Variants in KIAA1217 observed in about 807,000 individuals in gnomAD.
The protein encoded by KIAA1217 is sickle tail protein homolog.
In KIAA1217, 88 loss-of-function variants were observed where a neutral mutation model predicts 163.9. That is an observed-to-expected ratio of 0.54 (90% CI 0.45 to 0.64). The LOEUF (loss-of-function observed/expected upper bound fraction) is 0.64. Among genes scored for constraint, KIAA1217 ranks in the 30% least tolerant of loss-of-function variants. KIAA1217 has a pLI of 0.00. For synonymous variants in KIAA1217, 903 were observed against 923.1 expected, an observed-to-expected ratio of 0.98 and a Z score of 0.39; for missense variants, 2,372 against 2,475.0, an observed-to-expected ratio of 0.96 and a Z score of 0.88.
chr10:24,247,198 T>G (rs1214811896), intron 2 of KIAA1217, among the ~76,000 whole-genome samples: 1 of 151,724 alleles, frequency 6.6e-6, no homozygotes, highest in Non-Finnish European at 1.5e-5. Context: ...CAGGGGTATG[T>G]GTGCAGATTT....
At chr10:24,010,545 C>A (rs1488596440) in intron 2 of KIAA1217, among the ~76,000 whole-genome samples, 2 of 151,834 alleles carry the variant, frequency 1.3e-5, no homozygotes, top group Non-Finnish European at 2.9e-5. Flanking sequence ...TCTTCCCCCC[C>A]TTCAAGTTTT....
intron 1 of KIAA1217, among the ~76,000 whole-genome samples, chr10:23,812,888 G>A (rs1318575625): frequency 7.9e-5 from 12 of 152,134 alleles, no homozygotes; most frequent in Non-Finnish European, 1.8e-4. Context: ...GCTATTATGA[G>A]TAATGCTGTT....
intron 1 of KIAA1217, among the ~76,000 whole-genome samples, chr10:23,782,278 T>G (rs1227708867): frequency 1.3e-5 from 2 of 152,188 alleles, no homozygotes; most frequent in Non-Finnish European, 2.9e-5. Flanking sequence ...ATCTTTTATC[T>G]CCTCAGTTAA....
At chr10:23,961,842 T>G (rs1844831828) in intron 1 of KIAA1217, among the ~76,000 whole-genome samples, 1 of 152,162 alleles carries the variant, frequency 6.6e-6, no homozygotes, top group African/African-American at 2.4e-5. Flanking sequence ...ATTCCAGACC[T>G]CTCTCCTTGG....
At chr10:24,420,825 T>G (rs1440192364) in intron 3 of KIAA1217, among the ~76,000 whole-genome samples, 1 of 152,222 alleles carries the variant, frequency 6.6e-6, no homozygotes, top group African/African-American at 2.4e-5. Flanking sequence ...TATCAAGCTC[T>G]CACAAAGTCT....
chr10:24,092,931 TG>T (rs34006442), intron 2 of KIAA1217, among the ~76,000 whole-genome samples: 5 of 144,318 alleles, frequency 3.5e-5, no homozygotes, highest in African/African-American at 7.6e-5. Context: ...GTGTGTGTTG[TG>T]TGTGTGTGTG....
chr10:23,805,782 G>A (rs1369631564), intron 1 of KIAA1217, among the ~76,000 whole-genome samples: 1 of 151,988 alleles, frequency 6.6e-6, no homozygotes, highest in African/African-American at 2.4e-5. Context: ...GGGAGGCCGA[G>A]GCGGGTGGGT....
At chr10:24,271,643 T>C (rs2076778466) in intron 2 of KIAA1217, among the ~76,000 whole-genome samples, 1 of 151,832 alleles carries the variant, frequency 6.6e-6, no homozygotes, top group Admixed American at 6.6e-5. Context: ...TCCCAGGTAC[T>C]GGAGAGGCTG....
At chr10:23,731,558 T>C (rs749382114) in intron 1 of KIAA1217, among the ~76,000 whole-genome samples, 4 of 152,148 alleles carry the variant, frequency 2.6e-5, no homozygotes, top group South Asian at 2.1e-4. Flanking sequence ...GGCTGGTTTC[T>C]GTTAAGCCCT....
chr10:23,700,458 AC>A (rs1836366833), intron 1 of KIAA1217, among the ~76,000 whole-genome samples: 1 of 151,508 alleles, frequency 6.6e-6, no homozygotes, highest in East Asian at 1.9e-4. Context: ...AAATAATGTG[AC>A]TCCTCTGCTT....
intron 1 of KIAA1217, among the ~76,000 whole-genome samples, chr10:23,875,999 AATG>A (rs1363188273): frequency 6.6e-6 from 1 of 151,794 alleles, no homozygotes; most frequent in Non-Finnish European, 1.5e-5. Context: ...ACCTAATGTA[AATG>A]ATGAGTTGAT....
At chr10:24,238,145 A>C (rs1457611008) in intron 2 of KIAA1217, among the ~76,000 whole-genome samples, 4 of 152,216 alleles carry the variant, frequency 2.6e-5, no homozygotes, top group Admixed American at 1.3e-4. Context: ...CTGCTCCTTC[A>C]GCTACTGCTG....
chr10:24,497,705 G>A (rs2066976328), intron 8 of KIAA1217, among the ~76,000 whole-genome samples: 1 of 148,796 alleles, frequency 6.7e-6, no homozygotes, highest in Non-Finnish European at 1.5e-5. Flanking sequence ...GAGTGACAGA[G>A]CAAGACCTTG....
At chr10:24,327,384 A>T (rs1191875866) in intron 2 of KIAA1217, among the ~76,000 whole-genome samples, 1 of 152,190 alleles carries the variant, frequency 6.6e-6, no homozygotes, top group African/African-American at 2.4e-5. Context: ...TGTTTTATTA[A>T]TTGATGTAAA....
intron 2 of KIAA1217, among the ~76,000 whole-genome samples, chr10:24,104,760 A>G (rs1411444231): frequency 6.6e-6 from 1 of 152,226 alleles, no homozygotes; most frequent in African/African-American, 2.4e-5. Flanking sequence ...GTAGGGACAA[A>G]AAGTAGACGG....
At chr10:23,801,884 C>T (rs1368970403) in intron 1 of KIAA1217, among the ~76,000 whole-genome samples, 3 of 152,140 alleles carry the variant, frequency 2.0e-5, no homozygotes, top group Admixed American at 2.0e-4. Context: ...TGATTAAAAC[C>T]ATTAAGCTCT....
At chr10:24,422,971 C>G (rs1465525850) in intron 3 of KIAA1217, among the ~76,000 whole-genome samples, 1 of 145,628 alleles carries the variant, frequency 6.9e-6, no homozygotes, top group Non-Finnish European at 1.5e-5. Context: ...GTGGCACCAT[C>G]TTGGCTCACT....
chr10:23,861,414 C>A (rs1007270347), intron 1 of KIAA1217, among the ~76,000 whole-genome samples: 5 of 152,134 alleles, frequency 3.3e-5, no homozygotes, highest in African/African-American at 1.2e-4. Flanking sequence ...CAAAGATGTC[C>A]ATGCCCTGAT....
chr10:23,769,696 A>T (rs114660813), intron 1 of KIAA1217, among the ~76,000 whole-genome samples: 1,762 of 152,350 alleles, frequency 0.012, 36 homozygotes, highest in African/African-American at 0.041. Context: ...ATAATTTTGC[A>T]GTGGCAGTTT....
Sources: gnomAD v4.1 joint callset for allele counts (sites outside exome capture counted in the v4.1 genomes callset) on GRCh38, gnomAD v4.1.1 for gene constraint, MANE v1.5 for transcripts, NCBI Gene and HGNC (gene_info 2026-07-23, HGNC 2026-07-21) for gene names.